TRAF3IP2: variants seen among roughly 807,000 people sequenced by gnomAD.
The protein encoded by TRAF3IP2 is E3 ubiquitin ligase TRAF3IP2.
In TRAF3IP2, 35 loss-of-function variants were observed where a neutral mutation model predicts 57.9. The ratio of observed to expected loss-of-function variants is 0.60; its 90% CI spans 0.46 to 0.80. The LOEUF is 0.80. Among genes scored for constraint, TRAF3IP2 ranks in the 30% least tolerant of loss-of-function variants. TRAF3IP2 has a pLI of 0.00. For missense variants in TRAF3IP2, 556 were observed against 706.4 expected (o/e 0.79, Z 2.41); for synonymous variants, 251 against 268.9 (o/e 0.93, Z 0.65).
chr6:111,570,364 A>G, intron 5 of TRAF3IP2, among the ~76,000 whole-genome samples: 1 of 152,208 alleles, frequency 6.6e-6, no homozygotes, highest in South Asian at 2.1e-4. Flanking sequence ...GGGCAGTAAC[A>G]ACTCCCTGCT....
At chr6:111,575,875 C>A (rs1795971314) in intron 3 of TRAF3IP2, 54 bp from the exon 4 acceptor site, 7 of 1,540,156 alleles carry the variant, frequency 4.5e-6, no homozygotes, top group Non-Finnish European at 5.3e-6. Flanking sequence ...GGCAAACCTT[C>A]AGGGACAGAA....
chr6:111,599,531 CTTT>C (rs1441946755), intron 1 of TRAF3IP2, among the ~76,000 whole-genome samples: 1 of 152,138 alleles, frequency 6.6e-6, no homozygotes, highest in Non-Finnish European at 1.5e-5. Flanking sequence ...CACCCTCTCT[CTTT>C]TTTAATTTTT....
At chr6:111,563,905 A>G (rs908514843) in intron 7 of TRAF3IP2, among the ~76,000 whole-genome samples, 2 of 152,166 alleles carry the variant, frequency 1.3e-5, no homozygotes, top group African/African-American at 4.8e-5. Context: ...CTCTCTCAAA[A>G]ATCAGAATTT....
chr6:111,578,579 G>A (rs77872616), intron 3 of TRAF3IP2, among the ~76,000 whole-genome samples: 3 of 152,304 alleles, frequency 2.0e-5, no homozygotes, highest in East Asian at 3.9e-4. Context: ...GGAGGCGAAG[G>A]TTTCAGTGAG....
Position 111,566,486 on chromosome 6 carries a change from G to A in TRAF3IP2, c.1434C>T (p.Asp478=), listed in dbSNP as rs144166946. Reference sequence around the variant, plus strand: ...TAGTATGTAAGCCATGCTCATCCTCGTCCAGCTGCGACTCAGCGCCTTCCA... The same window carrying A: ...TAGTATGTAAGCCATGCTCATCCTCATCCAGCTGCGACTCAGCGCCTTCCA... ...QDVEGAESQL[D]EDEHGLHTKY... The change falls in exon 7 of 9, where the codon GAC becomes GAT. Residue 478 remains aspartate, a synonymous_variant. Coordinates refer to ENST00000368761, the MANE Select transcript of TRAF3IP2 (RefSeq NM_147686.4). The A allele has an allele frequency of 2.7e-5, 43 of 1,614,138 alleles. No individual in the cohort carries two copies. The Admixed American group carries it at 3.2e-4, about 12-fold the overall frequency.
chr6:111,560,696 G>A (rs998583761), intron 8 of TRAF3IP2, among the ~76,000 whole-genome samples: 3 of 152,144 alleles, frequency 2.0e-5, no homozygotes, highest in Admixed American at 6.5e-5. Context: ...AGGTAATACG[G>A]GCATTGTCTG....
At chr6:111,596,695 C>A (rs991940004) in intron 1 of TRAF3IP2, among the ~76,000 whole-genome samples, 4 of 152,214 alleles carry the variant, frequency 2.6e-5, no homozygotes, top group African/African-American at 9.7e-5. Context: ...CTCAGGTGAT[C>A]CGCCCGCTTC....
At chr6:111,571,942 A>C (rs776208189) in intron 5 of TRAF3IP2, among the ~76,000 whole-genome samples, 8 of 152,086 alleles carry the variant, frequency 5.3e-5, no homozygotes, top group Non-Finnish European at 8.8e-5. Context: ...TATCTTATAG[A>C]ATAAAGAAAG....
intron 1 of TRAF3IP2, chr6:111,601,489 G>A: frequency 3.0e-6 from 1 of 335,240 alleles, no homozygotes; most frequent in Non-Finnish European, 5.5e-6. Context: ...AGGACGGATG[G>A]GATTTAATGA....
intron 1 of TRAF3IP2, among the ~76,000 whole-genome samples, chr6:111,602,873 G>T (rs1796914789): frequency 6.6e-6 from 1 of 152,140 alleles, no homozygotes; most frequent in African/African-American, 2.4e-5. Context: ...TCAGTCTGTG[G>T]GGTGCGGCCT....
At chr6:111,565,767 T>C (rs953250556) in intron 7 of TRAF3IP2, among the ~76,000 whole-genome samples, 4 of 152,218 alleles carry the variant, frequency 2.6e-5, no homozygotes, top group Non-Finnish European at 4.4e-5. Context: ...TCCCACTTAT[T>C]TGAATATAAC....
chr6:111,569,326 ACT>A (rs1247017778), intron 5 of TRAF3IP2, among the ~76,000 whole-genome samples: 1 of 152,116 alleles, frequency 6.6e-6, no homozygotes, highest in African/African-American at 2.4e-5. Context: ...TGTTACTAAA[ACT>A]CTCTAAATCT....
Position 111,591,336 on chromosome 6 carries a change from G to T in TRAF3IP2, c.751C>A (p.Leu251Met), listed in dbSNP as rs1796504340. The T allele has an allele frequency of 6.6e-7, 1 of 1,522,538 alleles. No homozygotes were observed. The highest frequency in any genetic ancestry group is 8.8e-7 in the Non-Finnish European group (1 of 1,137,194). The allele number at this position is 1,522,538 out of a possible 1,614,324, so 94.3% of individuals were successfully genotyped here. Residue 251 changes from leucine to methionine, a missense_variant, in exon 2 of 9, where the codon CTG (leucine) becomes ATG (methionine). Physicochemically the swap from Leu to Met is conservative, Grantham distance 15 (BLOSUM62 2). Transcript: ENST00000368761. This position sits in a 1 kb window ranked among gnomAD's most constrained non-coding sequence, Gnocchi z 4.9. ...GCATGTGGGGAAAGATTGGGAGGCA[G>T]CATCTGTGCACATGCTGGATACCTC... The part of the protein sequence containing the change: ...PQRYPACAQM[L>M]PPNLSPHAPW...
In TRAF3IP2 at chr6:111,557,147, A is replaced by G. The variant is rs1321272378; in HGVS notation, c.*2258T>C. ...TCTCAAAAAAAAGAAAAAAAAAACA[A>G]AACGGTGGACTGTCTTGTAGCACAA... On this transcript the variant is annotated 3_prime_UTR_variant, in exon 9 of 9. Coordinates refer to ENST00000368761, the MANE Select transcript of TRAF3IP2 (RefSeq NM_147686.4). 6.6e-6 allele frequency: 1 copy of G among 152,260 alleles called. No homozygotes were observed. Among genetic ancestry groups the G allele is most frequent in the Non-Finnish European group, 1.5e-5 (1 of 68,168 alleles). The allele number at this position is 152,260 out of a possible 1,614,324, so 9.4% of individuals were successfully genotyped here. A position where few individuals can be genotyped will look rare whatever the true frequency, so the allele number is the denominator to read the frequency against.
Position 111,591,606 on chromosome 6 carries a change from GGTCTGATTT to G in TRAF3IP2, c.472_480del (p.Lys158_Asp160del). The G allele has an allele frequency of 6.2e-7, 1 of 1,614,224 alleles. No individual in the cohort carries two copies. Among genetic ancestry groups the G allele is most frequent in the South Asian group, 1.1e-5 (1 of 91,082 alleles). ...TCTGCTGAGGCATTAGGTAAACTTT[GGTCTGATTT>G]GTCTGAGTCATGGCCAGTGTCAGGA... On this transcript the variant is annotated inframe_deletion, in exon 2 of 9. Transcript: ENST00000368761. This position sits in a 1 kb window ranked among gnomAD's most constrained non-coding sequence, Gnocchi z 4.9.
intron 2 of TRAF3IP2, among the ~76,000 whole-genome samples, chr6:111,590,418 G>C (rs1796469340): frequency 6.6e-6 from 1 of 152,178 alleles, no homozygotes; most frequent in East Asian, 1.9e-4. Flanking sequence ...AGGGACACTT[G>C]AGCTAAGTCT....
chr6:111,595,163 C>T (rs998680179), intron 1 of TRAF3IP2, among the ~76,000 whole-genome samples: 21 of 152,040 alleles, frequency 1.4e-4, no homozygotes, highest in Middle Eastern at 3.2e-3. Context: ...GCCTGGGAGG[C>T]GGAGGTTGCA....
At chr6:111,584,420 CTG>C (rs1160934372) in intron 2 of TRAF3IP2, among the ~76,000 whole-genome samples, 1 of 152,130 alleles carries the variant, frequency 6.6e-6, no homozygotes, top group Non-Finnish European at 1.5e-5. Flanking sequence ...CAAAGGAAAA[CTG>C]AGTATCAGTG....
intron 7 of TRAF3IP2, among the ~76,000 whole-genome samples, chr6:111,565,706 A>G (rs1346858996): frequency 6.6e-6 from 1 of 152,236 alleles, no homozygotes; most frequent in African/African-American, 2.4e-5. Context: ...TGTTTCGGTC[A>G]GAATGTTCTA....
Sources: allele counts gnomAD v4.1 joint callset (sites outside exome capture counted in the v4.1 genomes callset), GRCh38; gene constraint gnomAD v4.1.1; non-coding constraint Gnocchi (gnomAD v3.1); transcripts MANE v1.5; gene names NCBI Gene and HGNC (gene_info 2026-07-23, HGNC 2026-07-21).